The following TMEM158 variants were observed in gnomAD, a reference collection of about 807,000 sequenced individuals.
TMEM158 encodes the protein 40 kDa BINP-binding protein.
TMEM158 carries 7 observed loss-of-function variants against 12.0 expected under a neutral mutation model. The ratio of observed to expected loss-of-function variants is 0.59; its 90% confidence interval spans 0.33 to 1.10. The LOEUF (loss-of-function observed/expected upper bound fraction) is 1.10, where lower values mean the gene tolerates loss of function less well. Ranked by LOEUF, TMEM158 falls within the 50% of genes least tolerant of loss-of-function variation. The pLI is 0.03. For missense variants in TMEM158, 405 were observed against 454.7 expected (o/e 0.89, Z 0.99); for synonymous variants, 209 against 231.1 (o/e 0.90, Z 0.87).
chr3:45,224,913 C>T lies in TMEM158; in HGVS notation c.*212G>A, dbSNP rs1488175416. Reference sequence around the variant, plus strand: ...CTCTCCGTCTTCGGAGCTGCGATCCCACCCTCAGTCCAAGGGCTTAAACAT... The same window carrying T: ...CTCTCCGTCTTCGGAGCTGCGATCCTACCCTCAGTCCAAGGGCTTAAACAT... On this transcript the variant is annotated 3_prime_UTR_variant, in exon 1 of 1. Coordinates refer to ENST00000503771, the MANE Select transcript of TMEM158 (RefSeq NM_015444.3). 1.3e-5 allele frequency: 11 copies of T among 824,498 alleles called. No homozygotes were observed. Among genetic ancestry groups the T allele is most frequent in the Non-Finnish European group, 1.6e-5 (10 of 629,606 alleles). 51.1% of individuals were successfully genotyped at this position (824,498 alleles called of 1,614,324 possible).
At position 45,224,908 on chromosome 3, in the gene TMEM158, G is replaced by T; in HGVS notation, c.*217C>A. The stretch of plus-strand genomic sequence containing the variant: ...CCCTCCTCTCCGTCTTCGGAGCTGC[G>T]ATCCCACCCTCAGTCCAAGGGCTTA... On this transcript the variant is annotated 3_prime_UTR_variant, in exon 1 of 1. Transcript: ENST00000503771. 2.6e-6 allele frequency: 2 copies of T among 780,300 alleles called. No homozygotes were observed. Among genetic ancestry groups the T allele is most frequent in the Non-Finnish European group, 3.4e-6 (2 of 589,494 alleles). 48.3% of individuals were successfully genotyped at this position (780,300 alleles called of 1,614,324 possible). A position where few individuals can be genotyped will look rare whatever the true frequency, so the allele number is the denominator to read the frequency against.
At position 45,225,487 on chromosome 3, in the gene TMEM158, C is replaced by G; in HGVS notation, c.541G>C (p.Ala181Pro). The part of the protein sequence containing the change: ...GAPTALPAYP[A>P]AEPPGPLWLQ... ...CACAGCGGCCCGGGCGGCTCGGCCG[C>G]GGGGTAGGCTGGCAGCGCGGTGGGC... Residue 181 changes from alanine to proline, a missense_variant, in exon 1 of 1, where the codon GCG becomes CCG. Transcript: ENST00000503771. This position sits in a 1 kb window ranked among gnomAD's most constrained non-coding sequence, Gnocchi z 5.7. 1 of 1,244,416 alleles carries G rather than the reference C, an allele frequency of 8.0e-7. No individual in the cohort carries two copies. Among genetic ancestry groups the G allele is most frequent in the African/African-American group, 1.6e-5 (1 of 63,948 alleles). The allele number at this position is 1,244,416 out of a possible 1,614,324, so 77.1% of individuals were successfully genotyped here.
chr3:45,225,489 G>C lies in TMEM158; in HGVS notation c.539C>G (p.Pro180Arg). 8.2e-7 allele frequency: 1 copy of C among 1,217,804 alleles called. No homozygotes were observed. Among genetic ancestry groups the C allele is most frequent in the Non-Finnish European group, 1.0e-6 (1 of 968,514 alleles). The allele number at this position is 1,217,804 out of a possible 1,614,324, so 75.4% of individuals were successfully genotyped here. Residue 180 changes from proline to arginine, a missense_variant, in exon 1 of 1, where the codon CCC becomes CGC. Physicochemically the swap from Pro to Arg is moderately radical, Grantham distance 103. Transcript: ENST00000503771. This position sits in a 1 kb window ranked among gnomAD's most constrained non-coding sequence, Gnocchi z 5.7. The stretch of plus-strand genomic sequence containing the variant: ...CAGCGGCCCGGGCGGCTCGGCCGCG[G>C]GGTAGGCTGGCAGCGCGGTGGGCGC... ...AGAPTALPAYPAAEPPGPLWL... is the reference protein window; with the variant it reads ...AGAPTALPAYRAAEPPGPLWL...
Position 45,225,733 on chromosome 3 carries a change from C to A in TMEM158, c.295G>T (p.Asp99Tyr). 6.9e-7 allele frequency: 1 copy of A among 1,456,528 alleles called. No individual in the cohort carries two copies. The highest frequency in any genetic ancestry group is 1.3e-5 in the South Asian group (1 of 77,896). The allele number at this position is 1,456,528 out of a possible 1,614,324, so 90.2% of individuals were successfully genotyped here. Residue 99 changes from aspartate to tyrosine, a missense_variant, in exon 1 of 1, where the codon GAC (aspartate) becomes TAC (tyrosine). Coordinates refer to ENST00000503771, the MANE Select transcript of TMEM158 (RefSeq NM_015444.3). The surrounding 1 kb of genome is among the most constrained non-coding windows in gnomAD (Gnocchi z 5.7). Reference sequence around the variant, plus strand: ...GCGTTGGTGGAGAAGAGCAGTAGGTCGCACTGGAAGCCCCGCGGGCGGCCC... The same window carrying A: ...GCGTTGGTGGAGAAGAGCAGTAGGTAGCACTGGAAGCCCCGCGGGCGGCCC... Reference protein sequence around the residue: ...RWGRPRGFQCDLLLFSTNAHG... With the variant: ...RWGRPRGFQCYLLLFSTNAHG...
In TMEM158 at chr3:45,225,154, C is replaced by T; in HGVS notation, c.874G>A (p.Ala292Thr). The change falls in exon 1 of 1, where the codon GCC becomes ACC. Residue 292 changes from alanine (A) to threonine (T), a missense_variant. Ala to Thr is a moderately conservative substitution (Grantham distance 58, BLOSUM62 0). Transcript: ENST00000503771. This position sits in a 1 kb window ranked among gnomAD's most constrained non-coding sequence, Gnocchi z 5.7. ...TTGGTCGCCACCCCCGAAGTGACGG[C>T]CGCGGCGGCGGCGGCAGCGGCGGCG... ...AAAAAAAAAA[A>T]VTSGVATK 1 of 1,262,112 alleles carries T rather than the reference C, an allele frequency of 7.9e-7. No individual in the cohort carries two copies. The highest frequency in any genetic ancestry group is 9.9e-7 in the Non-Finnish European group (1 of 1,008,012). The allele number at this position is 1,262,112 out of a possible 1,614,324, so 78.2% of individuals were successfully genotyped here. A position where few individuals can be genotyped will look rare whatever the true frequency, so the allele number is the denominator to read the frequency against.
rs760468246 is a variant in TMEM158 at position 45,225,170 on chromosome 3, A to G, written c.858T>C (p.Ala286=). The G allele has an allele frequency of 3.3e-3, 4,197 of 1,263,252 alleles. 8 individuals are homozygous for G. The highest frequency in any genetic ancestry group is 3.5e-3 in the Non-Finnish European group (3,514 of 1,008,620). The allele number at this position is 1,263,252 out of a possible 1,614,324, so 78.3% of individuals were successfully genotyped here. The stretch of plus-strand genomic sequence containing the variant: ...AAGTGACGGCCGCGGCGGCGGCGGC[A>G]GCGGCGGCGGCGGCGGCGGCTGCGG... ...GTTAAAAAAA[A]AAAAAAVTSG... Residue 286 remains alanine (A), a synonymous_variant, in exon 1 of 1, where the codon GCT becomes GCC. Coordinates refer to ENST00000503771, the MANE Select transcript of TMEM158 (RefSeq NM_015444.3). The surrounding 1 kb of genome is among the most constrained non-coding windows in gnomAD (Gnocchi z 5.7).
In TMEM158 at chr3:45,225,551, G is replaced by C; in HGVS notation, c.477C>G (p.Pro159=). 9.7e-7 allele frequency: 1 copy of C among 1,035,062 alleles called. No homozygotes were observed. Among genetic ancestry groups the C allele is most frequent in the Non-Finnish European group, 1.2e-6 (1 of 864,494 alleles). The allele number at this position is 1,035,062 out of a possible 1,614,324, so 64.1% of individuals were successfully genotyped here. ...VRGRRTGRLR[P]AAAPSAAAAT... is the part of the protein sequence containing the mutation. Reference sequence around the variant, plus strand: ...CGGCGGCGGCGCTGGGGGCGGCGGCGGGCCGGAGGCGGCCGGTGCGGCGAC... The same window carrying C: ...CGGCGGCGGCGCTGGGGGCGGCGGCCGGCCGGAGGCGGCCGGTGCGGCGAC... The change falls in exon 1 of 1, where the codon CCC becomes CCG. Residue 159 remains proline (P), a synonymous_variant. Coordinates refer to ENST00000503771, the MANE Select transcript of TMEM158 (RefSeq NM_015444.3). The surrounding 1 kb of genome is among the most constrained non-coding windows in gnomAD (Gnocchi z 5.7).
chr3:45,225,535 C>A lies in TMEM158; in HGVS notation c.493G>T (p.Ala165Ser), dbSNP rs1576163690. Residue 165 changes from alanine (A) to serine (S), a missense_variant, in exon 1 of 1, where the codon GCC (alanine) becomes TCC (serine). Transcript: ENST00000503771. This position sits in a 1 kb window ranked among gnomAD's most constrained non-coding sequence, Gnocchi z 5.7. ...GGCGCCCCGGCGGTGGCGGCGGCGG[C>A]GCTGGGGGCGGCGGCGGGCCGGAGG... ...GRLRPAAAPS[A>S]AAATAGAPTA... 4 of 1,030,382 alleles carry A rather than the reference C, an allele frequency of 3.9e-6. No homozygotes were observed. The highest frequency in any genetic ancestry group is 4.6e-6 in the Non-Finnish European group (4 of 860,620). 63.8% of individuals were successfully genotyped at this position (1,030,382 alleles called of 1,614,324 possible). A position where few individuals can be genotyped will look rare whatever the true frequency, so the allele number is the denominator to read the frequency against.
Position 45,225,555 on chromosome 3 carries a change from C to T in TMEM158, c.473G>A (p.Arg158Gln). 9.6e-7 allele frequency: 1 copy of T among 1,043,402 alleles called. No homozygotes were observed. Among genetic ancestry groups the T allele is most frequent in the East Asian group, 7.5e-5 (1 of 13,284 alleles). 64.6% of individuals were successfully genotyped at this position (1,043,402 alleles called of 1,614,324 possible). The change falls in exon 1 of 1, where the codon CGG becomes CAG. Residue 158 changes from arginine (R) to glutamine (Q), a missense_variant. Physicochemically the swap from Arg to Gln is conservative, Grantham distance 43. Coordinates refer to ENST00000503771, the MANE Select transcript of TMEM158 (RefSeq NM_015444.3). This position sits in a 1 kb window ranked among gnomAD's most constrained non-coding sequence, Gnocchi z 5.7. Reference protein sequence around the residue: ...WVRGRRTGRLRPAAAPSAAAA... With the variant: ...WVRGRRTGRLQPAAAPSAAAA... The stretch of plus-strand genomic sequence containing the variant: ...GGCGGCGCTGGGGGCGGCGGCGGGC[C>T]GGAGGCGGCCGGTGCGGCGACCGCG...
At position 45,226,252 on chromosome 3, in the gene TMEM158, C is replaced by G; in HGVS notation, c.-225G>C. 3 of 365,574 alleles carry G rather than the reference C, an allele frequency of 8.2e-6. No individual in the cohort carries two copies. Among genetic ancestry groups the G allele is most frequent in the Non-Finnish European group, 1.1e-5 (3 of 264,386 alleles). 22.6% of individuals were successfully genotyped at this position (365,574 alleles called of 1,614,324 possible). A position where few individuals can be genotyped will look rare whatever the true frequency, so the allele number is the denominator to read the frequency against. On this transcript the variant is annotated 5_prime_UTR_variant, in exon 1 of 1. Coordinates refer to ENST00000503771, the MANE Select transcript of TMEM158 (RefSeq NM_015444.3). ...GTTGCGTTTGGGGTTCCCCGCCGCCCCCGGCGCCGGGGCCCTTGGGCTGCC... is the reference window on the plus strand; with the variant it reads ...GTTGCGTTTGGGGTTCCCCGCCGCCGCCGGCGCCGGGGCCCTTGGGCTGCC...
Position 45,224,937 on chromosome 3 carries a change from A to G in TMEM158, c.*188T>C, listed in dbSNP as rs576893382. On this transcript the variant is annotated 3_prime_UTR_variant, in exon 1 of 1. Transcript: ENST00000503771. Reference sequence around the variant, plus strand: ...CCACCCTCAGTCCAAGGGCTTAAACATCTGCTTTTCGGAACTGGAAGCGCA... The same window carrying G: ...CCACCCTCAGTCCAAGGGCTTAAACGTCTGCTTTTCGGAACTGGAAGCGCA... 881 of 1,022,250 alleles carry G rather than the reference A, an allele frequency of 8.6e-4. 5 individuals carry two copies. Among genetic ancestry groups the G allele is most frequent in the Non-Finnish European group, 1.0e-3 (846 of 809,374 alleles). The allele number at this position is 1,022,250 out of a possible 1,614,324, so 63.3% of individuals were successfully genotyped here. A position where few individuals can be genotyped will look rare whatever the true frequency, so the allele number is the denominator to read the frequency against.
Position 45,224,893 on chromosome 3 carries a change from C to T in TMEM158, c.*232G>A. 1 of 646,050 alleles carries T rather than the reference C, an allele frequency of 1.5e-6. No individual in the cohort carries two copies. Among genetic ancestry groups the T allele is most frequent in the Non-Finnish European group, 2.1e-6 (1 of 468,368 alleles). 40.0% of individuals were successfully genotyped at this position (646,050 alleles called of 1,614,324 possible). A position where few individuals can be genotyped will look rare whatever the true frequency, so the allele number is the denominator to read the frequency against. On this transcript the variant is annotated 3_prime_UTR_variant, in exon 1 of 1. Coordinates refer to ENST00000503771, the MANE Select transcript of TMEM158 (RefSeq NM_015444.3). The stretch of plus-strand genomic sequence containing the variant: ...GAAAGGGCCCCATTTCCCTCCTCTC[C>T]GTCTTCGGAGCTGCGATCCCACCCT...
chr3:45,225,013 C>G lies in TMEM158; in HGVS notation c.*112G>C. ...CTGGGGTCTCTCGGCGGCCCCATCT[C>G]GGGAAGAGGAACTAACGATAACTAC... On this transcript the variant is annotated 3_prime_UTR_variant, in exon 1 of 1. Coordinates refer to ENST00000503771, the MANE Select transcript of TMEM158 (RefSeq NM_015444.3). The surrounding 1 kb of genome is among the most constrained non-coding windows in gnomAD (Gnocchi z 5.7). 1 of 1,193,776 alleles carries G rather than the reference C, an allele frequency of 8.4e-7. No homozygotes were observed. The highest frequency in any genetic ancestry group is 1.0e-6 in the Non-Finnish European group (1 of 963,390). 73.9% of individuals were successfully genotyped at this position (1,193,776 alleles called of 1,614,324 possible).
At position 45,225,155 on chromosome 3, in the gene TMEM158, CGCGGCGGCGGCGGCAGCGGCG is replaced by C. The variant is rs1163593482; in HGVS notation, c.852_872del (p.Ala286_Ala292del). The stretch of plus-strand genomic sequence containing the variant: ...TGGTCGCCACCCCCGAAGTGACGGC[CGCGGCGGCGGCGGCAGCGGCG>C]GCGGCGGCGGCGGCTGCGGTGGTCC... On this transcript the variant is annotated inframe_deletion, in exon 1 of 1. Coordinates refer to ENST00000503771, the MANE Select transcript of TMEM158 (RefSeq NM_015444.3). The surrounding 1 kb of genome is among the most constrained non-coding windows in gnomAD (Gnocchi z 5.7). 7.7e-5 allele frequency: 97 copies of C among 1,261,990 alleles called. No individual in the cohort carries two copies. Among genetic ancestry groups the C allele is most frequent in the South Asian group, 1.5e-4 (4 of 26,086 alleles). The allele number at this position is 1,261,990 out of a possible 1,614,324, so 78.2% of individuals were successfully genotyped here. A position where few individuals can be genotyped will look rare whatever the true frequency, so the allele number is the denominator to read the frequency against.
At position 45,225,967 on chromosome 3, in the gene TMEM158, C is replaced by G. The variant is rs894114728; in HGVS notation, c.61G>C (p.Gly21Arg). ...AGGAGGCCGGGCGCGTCCGCGGCCCCGCCGCGGACGGGCGGCAGCGGGCAG... is the reference window on the plus strand; with the variant it reads ...AGGAGGCCGGGCGCGTCCGCGGCCCGGCCGCGGACGGGCGGCAGCGGGCAG... ...AACPLPPVRG[G>R]AADAPGLLGV... The change falls in exon 1 of 1, where the codon GGG becomes CGG. Residue 21 changes from glycine (G) to arginine (R), a missense_variant. Gly to Arg is a moderately radical substitution (Grantham distance 125). Coordinates refer to ENST00000503771, the MANE Select transcript of TMEM158 (RefSeq NM_015444.3). The surrounding 1 kb of genome is among the most constrained non-coding windows in gnomAD (Gnocchi z 5.7). 8.9e-7 allele frequency: 1 copy of G among 1,117,372 alleles called. No homozygotes were observed. Among genetic ancestry groups the G allele is most frequent in the Admixed American group, 5.0e-5 (1 of 19,822 alleles). 69.2% of individuals were successfully genotyped at this position (1,117,372 alleles called of 1,614,324 possible).
chr3:45,225,375 T>A lies in TMEM158; in HGVS notation c.653A>T (p.Lys218Met). 6.6e-7 allele frequency: 1 copy of A among 1,518,544 alleles called. No homozygotes were observed. The highest frequency in any genetic ancestry group is 8.9e-7 in the Non-Finnish European group (1 of 1,129,882). 94.1% of individuals were successfully genotyped at this position (1,518,544 alleles called of 1,614,324 possible). The part of the protein sequence containing the change: ...QGEPGWRLNR[K>M]PIESTLVACF... The stretch of plus-strand genomic sequence containing the variant: ...GGCCACCAGCGTGGACTCAATGGGC[T>A]TACGGTTCAGCCGCCAGCCCGGCTC... Residue 218 changes from lysine (K) to methionine (M), a missense_variant, in exon 1 of 1, where the codon AAG (lysine) becomes ATG (methionine). Lys to Met is a moderately conservative substitution (Grantham distance 95). Transcript: ENST00000503771. The surrounding 1 kb of genome is among the most constrained non-coding windows in gnomAD (Gnocchi z 5.7).
In TMEM158 at chr3:45,226,021, G is replaced by A. The variant is rs1700156585; in HGVS notation, c.7C>T (p.Pro3Ser). 2.0e-6 allele frequency: 2 copies of A among 1,020,558 alleles called. No homozygotes were observed. The highest frequency in any genetic ancestry group is 2.3e-6 in the Non-Finnish European group (2 of 855,216). The allele number at this position is 1,020,558 out of a possible 1,614,324, so 63.2% of individuals were successfully genotyped here. A position where few individuals can be genotyped will look rare whatever the true frequency, so the allele number is the denominator to read the frequency against. Reference protein sequence around the residue: MLPLLAALLAAAC... With the variant: MLSLLAALLAAAC... ...GCGGCCAGGAGCGCGGCGAGCAGGG[G>A]CAGCATGGCCTGCGGCGGGCGCCTA... The change falls in exon 1 of 1, where the codon CCC becomes TCC. Residue 3 changes from proline (P) to serine (S), a missense_variant. Physicochemically the swap from Pro to Ser is moderately conservative, Grantham distance 74. Coordinates refer to ENST00000503771, the MANE Select transcript of TMEM158 (RefSeq NM_015444.3).
rs1316233189 is a variant in TMEM158 at position 45,225,767 on chromosome 3, G to A, written c.261C>T (p.Leu87=). The A allele has an allele frequency of 1.6e-5, 23 of 1,426,612 alleles. No individual in the cohort carries two copies. The highest frequency in any genetic ancestry group is 2.5e-5 in the Admixed American group (1 of 40,164). The allele number at this position is 1,426,612 out of a possible 1,614,324, so 88.4% of individuals were successfully genotyped here. A position where few individuals can be genotyped will look rare whatever the true frequency, so the allele number is the denominator to read the frequency against. ...SVQRQMLSSL[L]VRWGRPRGFQ... is the part of the protein sequence containing the mutation. ...AGCCCCGCGGGCGGCCCCAGCGCAC[G>A]AGCAGCGAGCTCAGCATCTGCCGCT... The change falls in exon 1 of 1, where the codon CTC becomes CTT. Residue 87 remains leucine, a synonymous_variant. Transcript: ENST00000503771. The surrounding 1 kb of genome is among the most constrained non-coding windows in gnomAD (Gnocchi z 5.7).
chr3:45,226,079 G>C lies in TMEM158; in HGVS notation c.-52C>G, dbSNP rs1700157095. The C allele has an allele frequency of 1.0e-5, 10 of 982,290 alleles. No individual in the cohort carries two copies. The highest frequency in any genetic ancestry group is 9.6e-6 in the Non-Finnish European group (8 of 829,276). 60.8% of individuals were successfully genotyped at this position (982,290 alleles called of 1,614,324 possible). On this transcript the variant is annotated 5_prime_UTR_variant, in exon 1 of 1. Coordinates refer to ENST00000503771, the MANE Select transcript of TMEM158 (RefSeq NM_015444.3). ...GAGGCCGGCGGCGGTTGCATGGCGA[G>C]CGGGCGACGGGCCGGCGAGCTCACG...
Sources: gnomAD v4.1 joint callset for allele counts on GRCh38, gnomAD v4.1.1 for gene constraint, Gnocchi (gnomAD v3.1) non-coding constraint, MANE v1.5 for transcripts, NCBI Gene and HGNC (gene_info 2026-07-23, HGNC 2026-07-21) for gene names.